PDE8A: variants seen among roughly 807,000 people sequenced by gnomAD.
PDE8A encodes the protein high affinity cAMP-specific and IBMX-insensitive 3',5'-cyclic phosphodiesterase 8A.
In PDE8A, 59 loss-of-function variants were observed where a neutral mutation model predicts 105.0. That is an observed-to-expected ratio of 0.56 (90% confidence interval 0.46 to 0.70). The LOEUF is 0.70. PDE8A is among the 30% of genes least tolerant of loss of function. PDE8A has a pLI of 0.00. For missense variants in PDE8A, 1,014 were observed against 1,045.9 expected (o/e 0.97, Z 0.42); for synonymous variants, 355 against 371.9 (o/e 0.95, Z 0.52).
intron 6 of PDE8A, among the ~76,000 whole-genome samples, chr15:85,087,625 G>C (rs2081575959): frequency 2.0e-5 from 3 of 151,824 alleles, no homozygotes; most frequent in Non-Finnish European, 4.4e-5. Flanking sequence ...ACTTATACAA[G>C]GAAAAAACCT....
chr15:85,029,764 A>C lies in PDE8A; in HGVS notation c.187-34606A>C, dbSNP rs16974722. Among the ~76,000 whole-genome samples the C allele has an allele frequency of 4.6e-5, 7 of 152,214 alleles. No homozygotes were observed. The East Asian group carries it at 9.6e-4, about 21-fold the overall frequency. On this transcript the variant is annotated intron_variant, in intron 1 of 21. Transcript: ENST00000394553. Reference sequence around the variant, plus strand: ...TCATCTCTGAGTGTTAGATGGTATCAGTTAGGACCCTTCAGCTGCAACTAA... The same window carrying C: ...TCATCTCTGAGTGTTAGATGGTATCCGTTAGGACCCTTCAGCTGCAACTAA...
intron 6 of PDE8A, among the ~76,000 whole-genome samples, chr15:85,083,887 G>T (rs952264555): frequency 3.3e-5 from 5 of 152,128 alleles, no homozygotes; most frequent in Non-Finnish European, 5.9e-5. Context: ...AGTTTAAAAA[G>T]CAGAATACAA....
intron 9 of PDE8A, among the ~76,000 whole-genome samples, chr15:85,098,614 A>G (rs1341134350): frequency 1.3e-5 from 2 of 152,234 alleles, no homozygotes; most frequent in Admixed American, 1.3e-4. Context: ...TGCAGCCATT[A>G]GAAATGATGA....
At position 84,982,056 on chromosome 15, in the gene PDE8A, C is replaced by T. The variant is rs959009108; in HGVS notation, c.-107C>T. The T allele has an allele frequency of 1.7e-5, 10 of 573,686 alleles. No individual in the cohort carries two copies. The highest frequency in any genetic ancestry group is 1.6e-4 in the African/African-American group (8 of 50,340). 35.5% of individuals were successfully genotyped at this position (573,686 alleles called of 1,614,324 possible). A position where few individuals can be genotyped will look rare whatever the true frequency, so the allele number is the denominator to read the frequency against. On this transcript the variant is annotated 5_prime_UTR_variant, in exon 1 of 22. Coordinates refer to ENST00000394553, the MANE Select transcript of PDE8A (RefSeq NM_002605.3). ...GAGATCCGCGCTCGCCGCCGCCCGC[C>T]CAGGCGGCGATGACACGGCGCCCGC...
At chr15:85,113,787 T>C in intron 13 of PDE8A, 86 bp from the exon 14 acceptor site, 1 of 1,048,350 alleles carries the variant, frequency 9.5e-7, no homozygotes, top group Non-Finnish European at 1.4e-6. Flanking sequence ...CCTGAGTAGC[T>C]GGAATTACAG....
chr15:85,136,460 CTGGGGGAGGGG>C, intron 20 of PDE8A, 63 bp from the exon 21 acceptor site: 1 of 1,512,082 alleles, frequency 6.6e-7, no homozygotes, highest in Admixed American at 1.9e-5. Context: ...GAAGCTCTTC[CTGGGGGAGGGG>C]CTGCCCCTAG....
intron 1 of PDE8A, among the ~76,000 whole-genome samples, chr15:84,993,275 CT>C (rs1167886311): frequency 6.6e-5 from 10 of 151,604 alleles, no homozygotes; most frequent in Non-Finnish European, 1.2e-4. Flanking sequence ...AACCCCGTCT[CT>C]TCTAAAAATA....
In PDE8A at chr15:85,064,357, C is replaced by T; in HGVS notation, c.187-13C>T. 6.3e-7 allele frequency: 1 copy of T among 1,594,280 alleles called. No individual in the cohort carries two copies. Among genetic ancestry groups the T allele is most frequent in the Non-Finnish European group, 8.6e-7 (1 of 1,164,776 alleles). Reference sequence around the variant, plus strand: ...GTTGTCTTTTCATTTTTAAGCCAATCTCTTTCTTACAGGTAGCAGTAGCTG... The same window carrying T: ...GTTGTCTTTTCATTTTTAAGCCAATTTCTTTCTTACAGGTAGCAGTAGCTG... On this transcript the variant is annotated splice_polypyrimidine_tract_variant and intron_variant, in intron 1 of 21. Coordinates refer to ENST00000394553, the MANE Select transcript of PDE8A (RefSeq NM_002605.3).
rs76082524 is a variant in PDE8A at position 85,064,415 on chromosome 15, G to A, written c.232G>A (p.Asp78Asn). The A allele has an allele frequency of 2.8e-4, 450 of 1,606,342 alleles. 2 individuals carry two copies. In the African/African-American group the frequency reaches 5.7e-3, roughly 20 times the overall value. ...GTTTGGCCCCATGAGATTTCATCAA[G>A]ATCAACTTCAGGTAATAATGAACGA... ...VQFGPMRFHQDQLQVLLVFTK... is the reference protein window; with the variant it reads ...VQFGPMRFHQNQLQVLLVFTK... The change falls in exon 2 of 22, where the codon GAT (aspartate) becomes AAT (asparagine). Residue 78 changes from aspartate to asparagine, a missense_variant. Asp to Asn is a conservative substitution (Grantham distance 23, BLOSUM62 1). Transcript: ENST00000394553.
chr15:85,118,617 C>T (rs541589237), intron 17 of PDE8A, among the ~76,000 whole-genome samples: 2 of 152,360 alleles, frequency 1.3e-5, no homozygotes, highest in Admixed American at 1.3e-4. Flanking sequence ...CTACAGCTCT[C>T]CACACTCACC....
Position 85,089,543 on chromosome 15 carries a change from A to G in PDE8A, c.714+127A>G, listed in dbSNP as rs2081608297. 1.3e-5 allele frequency: 7 copies of G among 546,314 alleles called. No individual in the cohort carries two copies. The East Asian group carries it at 2.1e-4, about 16-fold the overall frequency. The allele number at this position is 546,314 out of a possible 1,614,324, so 33.8% of individuals were successfully genotyped here. ...GTTTAGGAGACCAGTTTTTCCTTCG[A>G]GGATTATCAGAACAAAATCAAATAT... On this transcript the variant is annotated intron_variant, in intron 7 of 21. Coordinates refer to ENST00000394553, the MANE Select transcript of PDE8A (RefSeq NM_002605.3).
chr15:85,113,551 C>T (rs1340411492), intron 13 of PDE8A, 104 bp downstream of exon 13: 1 of 1,004,564 alleles, frequency 1.0e-6, no homozygotes, highest in African/African-American at 1.6e-5. Flanking sequence ...AATGAGCATG[C>T]TGTCATAGTT....
chr15:85,080,608 C>T (rs1321016541), intron 5 of PDE8A, among the ~76,000 whole-genome samples: 2 of 152,106 alleles, frequency 1.3e-5, no homozygotes, highest in Non-Finnish European at 2.9e-5. Context: ...AAATTTGTGC[C>T]TGGTGACTGC....
chr15:85,045,297 A>T (rs1225405751), intron 1 of PDE8A, among the ~76,000 whole-genome samples: 1 of 152,226 alleles, frequency 6.6e-6, no homozygotes, highest in African/African-American at 2.4e-5. Context: ...TTCAGTAAAG[A>T]TCTGTCAGAA....
intron 1 of PDE8A, among the ~76,000 whole-genome samples, chr15:85,027,683 A>G (rs894625516): frequency 6.6e-6 from 1 of 152,260 alleles, no homozygotes. Flanking sequence ...TTGCTCACGT[A>G]TGTTAGGAAA....
intron 1 of PDE8A, chr15:85,062,827 A>G (rs1012503007): frequency 1.3e-5 from 2 of 152,216 alleles, no homozygotes; most frequent in African/African-American, 4.8e-5. Context: ...TGCCAGTGCA[A>G]TATTGTCTAG....
chr15:85,080,099 A>AGATATT (rs1040639841), intron 5 of PDE8A, among the ~76,000 whole-genome samples: 2 of 152,216 alleles, frequency 1.3e-5, no homozygotes, highest in African/African-American at 4.8e-5. Context: ...AAAAGAACAC[A>AGATATT]GATATTGATA....
chr15:85,017,644 T>C (rs1220743138), intron 1 of PDE8A, among the ~76,000 whole-genome samples: 4 of 152,106 alleles, frequency 2.6e-5, no homozygotes, highest in East Asian at 1.9e-4. Flanking sequence ...CCCAACACTT[T>C]GGGAGGCTGA....
At chr15:85,096,824 T>G (rs1017612000) in intron 8 of PDE8A, among the ~76,000 whole-genome samples, 5 of 152,218 alleles carry the variant, frequency 3.3e-5, no homozygotes, top group African/African-American at 1.2e-4. Context: ...GCCCATTGTT[T>G]TCAGAATTAT....
Sources: allele counts gnomAD v4.1 joint callset (sites outside exome capture counted in the v4.1 genomes callset), GRCh38; gene constraint gnomAD v4.1.1; transcripts MANE v1.5; gene names NCBI Gene and HGNC (gene_info 2026-07-23, HGNC 2026-07-21).